Variants in CMSS1 observed in about 807,000 individuals in gnomAD.
CMSS1 encodes cms1 ribosomal small subunit homolog.
Under a neutral mutation model 43.5 loss-of-function variants are expected in CMSS1, and 33 were observed. That is an observed-to-expected ratio of 0.76 (90% confidence interval 0.57 to 1.01). The LOEUF is 1.01. Among genes scored for constraint, CMSS1 ranks in the 50% least tolerant of loss-of-function variants. The pLI is 0.00. For synonymous variants in CMSS1, 115 were observed against 117.2 expected, an observed-to-expected ratio of 0.98 and a Z score of 0.12; for missense variants, 313 against 326.4, an observed-to-expected ratio of 0.96 and a Z score of 0.32.
chr3:100,070,438 A>G (rs375486791), intron 1 of CMSS1, among the ~76,000 whole-genome samples: 1,832 of 112,666 alleles, frequency 0.016, 24 homozygotes, highest in African/African-American at 0.034. Context: ...TAGGACTTGA[A>G]TATTAAATAA....
chr3:99,968,078 AGATAGTTTTAGCACATTCTAGTAAAG>A (rs1394675343), intron 1 of CMSS1, among the ~76,000 whole-genome samples: 2 of 152,194 alleles, frequency 1.3e-5, no homozygotes, highest in Non-Finnish European at 2.9e-5. Context: ...ATGTACAAAG[AGATAGTTTTAGCACATTCTAGTAAAG>A]GCAGTGATCA....
rs545561016 is a variant in CMSS1 at position 99,880,690 on chromosome 3, A to T, written c.64+62647A>T. On this transcript the variant is annotated intron_variant, in intron 1 of 9. Transcript: ENST00000421999. ...TTTTTTGTTTTAAAATTAATTTAAA[A>T]TTTTTTTTATTTTAAAATTAATAGG... 2.4e-4 allele frequency among the ~76,000 whole-genome samples: 37 copies of T among 152,052 alleles called. 1 individual carries two copies. In the South Asian group the frequency reaches 3.3e-3, roughly 14 times the overall value.
chr3:99,937,892 T>G (rs1707729885), intron 1 of CMSS1, among the ~76,000 whole-genome samples: 1 of 152,230 alleles, frequency 6.6e-6, no homozygotes, highest in African/African-American at 2.4e-5. Context: ...TTATTTATCT[T>G]AAAGAATTTT....
At chr3:99,964,126 A>G (rs970435630) in intron 1 of CMSS1, among the ~76,000 whole-genome samples, 1 of 152,044 alleles carries the variant, frequency 6.6e-6, no homozygotes, top group South Asian at 2.1e-4. Flanking sequence ...GATTTACCCT[A>G]TAGACTTATA....
At chr3:100,130,617 G>A (rs529952751) in intron 1 of CMSS1, among the ~76,000 whole-genome samples, 9 of 152,312 alleles carry the variant, frequency 5.9e-5, no homozygotes, top group Admixed American at 4.6e-4. Context: ...CCTAGAGTAC[G>A]AACTAGCAGA....
intron 1 of CMSS1, among the ~76,000 whole-genome samples, chr3:100,143,163 G>A (rs1428542408): frequency 1.3e-5 from 2 of 152,086 alleles, no homozygotes; most frequent in Admixed American, 6.5e-5. Context: ...CAGAACTTGG[G>A]GTAGCCTTTA....
chr3:99,881,575 C>T (rs1047085255), intron 1 of CMSS1, among the ~76,000 whole-genome samples: 5 of 151,840 alleles, frequency 3.3e-5, no homozygotes, highest in African/African-American at 1.2e-4. Flanking sequence ...CTCTGTTGCC[C>T]AGATTGGAGT....
intron 1 of CMSS1, among the ~76,000 whole-genome samples, chr3:99,975,274 G>A (rs1056263938): frequency 3.9e-5 from 6 of 152,062 alleles, no homozygotes; most frequent in Non-Finnish European, 8.8e-5. Flanking sequence ...CTTCTAGTTC[G>A]AGGAACTGTT....
At chr3:100,103,227 T>G (rs1444457361) in intron 1 of CMSS1, among the ~76,000 whole-genome samples, 1 of 152,178 alleles carries the variant, frequency 6.6e-6, no homozygotes, top group Admixed American at 6.5e-5. Flanking sequence ...AGAAGCCCAC[T>G]CAGACCATGG....
chr3:99,826,390 C>CATA (rs1559646774), intron 1 of CMSS1, among the ~76,000 whole-genome samples: 1 of 152,176 alleles, frequency 6.6e-6, no homozygotes, highest in African/African-American at 2.4e-5. Context: ...TCATCACCGT[C>CATA]ATAACTGCTG....
intron 1 of CMSS1, among the ~76,000 whole-genome samples, chr3:99,872,461 A>G (rs934116396): frequency 2.6e-5 from 4 of 152,042 alleles, no homozygotes; most frequent in Admixed American, 2.0e-4. Flanking sequence ...TTAGGCTAGA[A>G]TAAGTAGTTA....
At chr3:100,061,451 G>C (rs1318015826) in intron 1 of CMSS1, among the ~76,000 whole-genome samples, 5 of 152,092 alleles carry the variant, frequency 3.3e-5, no homozygotes, top group African/African-American at 1.2e-4. Context: ...ATTTTCCCAG[G>C]CCCTTGTTTT....
intron 1 of CMSS1, among the ~76,000 whole-genome samples, chr3:100,140,814 AT>A (rs530855071): frequency 1.8e-4 from 28 of 152,130 alleles, no homozygotes; most frequent in African/African-American, 6.3e-4. Context: ...AAGAAAAAAA[AT>A]TTTTTTAATT....
At chr3:99,874,501 A>G (rs1705404476) in intron 1 of CMSS1, 1 of 152,232 alleles carries the variant, frequency 6.6e-6, no homozygotes, top group Admixed American at 6.5e-5. Flanking sequence ...GTTTGAAATA[A>G]TAGTTTGTGG....
intron 1 of CMSS1, chr3:100,010,222 T>G (rs915490491): frequency 6.1e-6 from 4 of 659,754 alleles, no homozygotes; most frequent in Non-Finnish European, 5.6e-6. Context: ...AAACTGTCAT[T>G]TTTGTGATTT....
chr3:99,857,856 T>G (rs1944046041), intron 1 of CMSS1, among the ~76,000 whole-genome samples: 1 of 152,244 alleles, frequency 6.6e-6, no homozygotes, highest in Non-Finnish European at 1.5e-5. Flanking sequence ...AATTTAATGT[T>G]TCTGATGTTA....
chr3:100,026,009 A>G (rs968221705), intron 1 of CMSS1, among the ~76,000 whole-genome samples: 1 of 152,142 alleles, frequency 6.6e-6, no homozygotes, highest in East Asian at 1.9e-4. Flanking sequence ...CCCAGGCAAT[A>G]TGGACACAGA....
At chr3:99,885,605 C>T (rs1358427458) in intron 1 of CMSS1, among the ~76,000 whole-genome samples, 1 of 152,214 alleles carries the variant, frequency 6.6e-6, no homozygotes, top group African/African-American at 2.4e-5. Flanking sequence ...GTAAAAGTGG[C>T]TTAGGGCTCA....
chr3:99,946,464 CT>C (rs1206387917), intron 1 of CMSS1, among the ~76,000 whole-genome samples: 1 of 152,136 alleles, frequency 6.6e-6, no homozygotes, highest in African/African-American at 2.4e-5. Context: ...ATTATTGAAC[CT>C]TTTGGTAGTG....
Sources: allele counts gnomAD v4.1 joint callset (sites outside exome capture counted in the v4.1 genomes callset), GRCh38; gene constraint gnomAD v4.1.1; transcripts MANE v1.5; gene names NCBI Gene and HGNC (gene_info 2026-07-23, HGNC 2026-07-21).